The following GPATCH1 variants were observed in gnomAD, a reference collection of about 807,000 sequenced individuals.
The protein encoded by GPATCH1 is G patch domain-containing protein 1.
GPATCH1 carries 73 observed loss-of-function variants against 114.9 expected under a neutral mutation model. The ratio of observed to expected loss-of-function variants is 0.64; its 90% confidence interval spans 0.53 to 0.77. The LOEUF is 0.77. Ranked by LOEUF, GPATCH1 falls within the 30% of genes least tolerant of loss-of-function variation. GPATCH1 has a pLI of 0.00. For synonymous variants in GPATCH1, 391 were observed against 428.4 expected, an observed-to-expected ratio of 0.91 and a Z score of 1.08; for missense variants, 1,058 against 1,144.3, an observed-to-expected ratio of 0.92 and a Z score of 1.09.
rs138128078 is a variant in GPATCH1, at chr19:33,088,210, C to T, written c.150C>T (p.His50=). 2.4e-5 allele frequency: 38 copies of T among 1,603,242 alleles called. No homozygotes were observed. Among genetic ancestry groups the T allele is most frequent in the African/African-American group, 1.5e-4 (11 of 73,980 alleles). The change falls in exon 2 of 20, where the codon CAC becomes CAT. Residue 50 remains histidine, a synonymous_variant. Coordinates refer to ENST00000170564, the MANE Select transcript of GPATCH1 (RefSeq NM_018025.3). The part of the protein sequence containing the change: ...RDEKGRYKRF[H]GAFSGGFSAG... ...AAAAAGGAAGGTATAAACGATTCCA[C>T]GGGGCCTTTAGTGGAGGTTTCTCTG...
intron 8 of GPATCH1, among the ~76,000 whole-genome samples, chr19:33,099,184 A>G (rs953030488): frequency 6.7e-6 from 1 of 149,854 alleles, no homozygotes; most frequent in Non-Finnish European, 1.5e-5. Context: ...ACATTATTAC[A>G]TAGTAATGTA....
At chr19:33,109,674 C>A in intron 10 of GPATCH1, 43 bp from the exon 11 acceptor site, 1 of 1,292,724 alleles carries the variant, frequency 7.7e-7, no homozygotes, top group South Asian at 1.5e-5. Flanking sequence ...ATGTGGTTGT[C>A]TCATGGCTCT....
At chr19:33,089,521 A>T (rs1388141108) in intron 2 of GPATCH1, among the ~76,000 whole-genome samples, 3 of 152,204 alleles carry the variant, frequency 2.0e-5, no homozygotes, top group Admixed American at 2.0e-4. Context: ...ATGGAAGATG[A>T]ACTGATTTTA....
intron 13 of GPATCH1, 112 bp downstream of exon 13, chr19:33,112,725 A>G (rs1033353671): frequency 4.1e-5 from 28 of 682,812 alleles, no homozygotes; most frequent in Admixed American, 2.0e-4. Context: ...ACTTATTTGC[A>G]TATCACTGGA....
intron 19 of GPATCH1, 43 bp from the exon 20 acceptor site, chr19:33,130,087 T>TCA: frequency 6.4e-7 from 1 of 1,557,290 alleles, no homozygotes; most frequent in Non-Finnish European, 8.9e-7. Context: ...GTTTTTCACT[T>TCA]TAGCTAACTT....
chr19:33,116,030 CTT>C (rs2145333189), intron 15 of GPATCH1, among the ~76,000 whole-genome samples: 1 of 147,130 alleles, frequency 6.8e-6, no homozygotes, highest in East Asian at 2.0e-4. Context: ...TTTTTTTTCT[CTT>C]GGTATTTTTT....
chr19:33,094,062 G>A, intron 4 of GPATCH1, 110 bp from the exon 5 acceptor site: 1 of 679,364 alleles, frequency 1.5e-6, no homozygotes, highest in Admixed American at 2.3e-5. Flanking sequence ...GAGGGCAAGG[G>A]CCCAGGCAAG....
At chr19:33,128,521 A>G (rs1011557899) in intron 19 of GPATCH1, among the ~76,000 whole-genome samples, 1 of 152,112 alleles carries the variant, frequency 6.6e-6, no homozygotes, top group Non-Finnish European at 1.5e-5. Flanking sequence ...TGGCCTCCCA[A>G]AGTGCCGGGA....
chr19:33,127,059 C>T (rs1008272469), intron 19 of GPATCH1, among the ~76,000 whole-genome samples: 4 of 151,520 alleles, frequency 2.6e-5, no homozygotes, highest in Non-Finnish European at 5.9e-5. Context: ...CTGTTGAGCC[C>T]GGGAGTTGGA....
intron 3 of GPATCH1, among the ~76,000 whole-genome samples, chr19:33,091,080 A>T (rs1972589184): frequency 6.6e-6 from 1 of 152,148 alleles, no homozygotes; most frequent in Non-Finnish European, 1.5e-5. Flanking sequence ...TCTAAAATCA[A>T]GAGTGTAAGG....
At chr19:33,086,111 C>T (rs186317951) in intron 1 of GPATCH1, among the ~76,000 whole-genome samples, 1 of 152,342 alleles carries the variant, frequency 6.6e-6, no homozygotes, top group African/African-American at 2.4e-5. Context: ...ATGTACAGAA[C>T]ATTCCCCTGC....
chr19:33,110,121 A>G (rs919062459), intron 11 of GPATCH1, 105 bp downstream of exon 11: 9 of 1,045,426 alleles, frequency 8.6e-6, no homozygotes, highest in Admixed American at 8.1e-5. Context: ...CTGTTCTGTC[A>G]GTGTTTTTGC....
At chr19:33,110,071 A>C in intron 11 of GPATCH1, 55 bp downstream of exon 11, 36 of 1,426,540 alleles carry the variant, frequency 2.5e-5, no homozygotes, top group Non-Finnish European at 3.3e-5. Flanking sequence ...TCATATTCTC[A>C]CTGTTCTCAT....
At position 33,111,917 on chromosome 19, in the gene GPATCH1, T is replaced by C; in HGVS notation, c.1764+15T>C. The C allele has an allele frequency of 6.3e-7, 1 of 1,591,882 alleles. No individual in the cohort carries two copies. Among genetic ancestry groups the C allele is most frequent in the Non-Finnish European group, 8.6e-7 (1 of 1,160,262 alleles). ...GAGACCAAGAGGTCTGTTGTCACCA[T>C]GTCCCTTACCTGGTGAACTTTAATA... On this transcript the variant is annotated intron_variant, in intron 12 of 19. Transcript: ENST00000170564.
intron 7 of GPATCH1, 25 bp downstream of exon 7, chr19:33,096,471 A>AG: frequency 6.4e-7 from 1 of 1,574,264 alleles, no homozygotes; most frequent in African/African-American, 1.4e-5. Context: ...TATTTTATAA[A>AG]GGGGGAGTCA....
At chr19:33,117,797 C>T (rs1340645478) in intron 15 of GPATCH1, 28 bp from the exon 16 acceptor site, 2 of 1,533,434 alleles carry the variant, frequency 1.3e-6, no homozygotes, top group South Asian at 1.1e-5. Flanking sequence ...CCTCTGTATC[C>T]CTGACTCTTA....
chr19:33,119,065 G>C lies in GPATCH1; in HGVS notation c.2469G>C (p.Gln823His). The C allele has an allele frequency of 6.2e-7, 1 of 1,613,536 alleles. No homozygotes were observed. The highest frequency in any genetic ancestry group is 8.5e-7 in the Non-Finnish European group (1 of 1,179,796). The change falls in exon 17 of 20, where the codon CAG becomes CAC. Residue 823 changes from glutamine (Q) to histidine (H), a missense_variant. Physicochemically the swap from Gln to His is conservative, Grantham distance 24. This residue lies in a region of GPATCH1 where 893 missense variants were observed against 977.4 expected (regional missense o/e 0.91). Coordinates refer to ENST00000170564, the MANE Select transcript of GPATCH1 (RefSeq NM_018025.3). ...PPPSFPIQKM[Q>H]IDEREEFGPR... ...CTTCCTTCCCGATACAAAAGATGCAGATAGATGAAAGAGAAGAGTTCGGCC... is the reference window on the plus strand; with the variant it reads ...CTTCCTTCCCGATACAAAAGATGCACATAGATGAAAGAGAAGAGTTCGGCC...
chr19:33,119,319 T>C (rs1173484903), intron 17 of GPATCH1, among the ~76,000 whole-genome samples: 1 of 152,178 alleles, frequency 6.6e-6, no homozygotes, highest in African/African-American at 2.4e-5. Flanking sequence ...CCAAACTTTA[T>C]TTCCTTTACC....
intron 15 of GPATCH1, among the ~76,000 whole-genome samples, chr19:33,114,799 T>C (rs931663012): frequency 2.0e-4 from 25 of 126,190 alleles, no homozygotes; most frequent in South Asian, 1.0e-3. Context: ...ATTTCTCTCT[T>C]TTTTTTTTTT....
Sources: gnomAD v4.1 joint callset for allele counts (sites outside exome capture counted in the v4.1 genomes callset) on GRCh38, gnomAD v4.1.1 for gene constraint, gnomAD v4.1.1 regional missense constraint, MANE v1.5 for transcripts, NCBI Gene and HGNC (gene_info 2026-07-23, HGNC 2026-07-21) for gene names.